Variants in PDE5A observed in about 807,000 individuals in gnomAD.
The protein encoded by PDE5A is phosphodiesterase 5A.
Under a neutral mutation model 110.2 loss-of-function variants are expected in PDE5A, and 67 were observed. That is an observed-to-expected ratio of 0.61 (90% CI 0.50 to 0.75). The LOEUF is 0.75. PDE5A is among the 30% of genes least tolerant of loss of function. The pLI, the probability that PDE5A is intolerant of heterozygous loss-of-function variation, is 0.00. For synonymous variants in PDE5A, 328 were observed against 351.2 expected, an observed-to-expected ratio of 0.93 and a Z score of 0.74; for missense variants, 862 against 1,045.1, an observed-to-expected ratio of 0.82 and a Z score of 2.42.
chr4:119,610,615 C>G (rs1239269420), intron 1 of PDE5A, among the ~76,000 whole-genome samples: 1 of 152,116 alleles, frequency 6.6e-6, no homozygotes, highest in Admixed American at 6.5e-5. Context: ...CTCACCTTGC[C>G]TCATCTTACT....
At chr4:119,575,367 T>C (rs1167192763) in intron 3 of PDE5A, among the ~76,000 whole-genome samples, 1 of 152,008 alleles carries the variant, frequency 6.6e-6, no homozygotes, top group Non-Finnish European at 1.5e-5. Flanking sequence ...GAAGAGCAAC[T>C]CCAAGACACA....
At chr4:119,561,129 G>A (rs984046999) in intron 6 of PDE5A, among the ~76,000 whole-genome samples, 1 of 151,698 alleles carries the variant, frequency 6.6e-6, no homozygotes, top group African/African-American at 2.4e-5. Context: ...ACTCTGTCTC[G>A]AAAATAAGAA....
intron 3 of PDE5A, among the ~76,000 whole-genome samples, chr4:119,583,713 A>G (rs764197041): frequency 6.6e-6 from 1 of 152,206 alleles, no homozygotes; most frequent in Non-Finnish European, 1.5e-5. Context: ...AGGGAGGCCA[A>G]AGGAGAAGGA....
intron 17 of PDE5A, among the ~76,000 whole-genome samples, chr4:119,505,345 T>C (rs576746351): frequency 6.6e-6 from 1 of 152,094 alleles, no homozygotes; most frequent in South Asian, 2.1e-4. Context: ...TTATACACTA[T>C]ATGTCTTATG....
At chr4:119,588,908 A>G (rs979961252) in intron 3 of PDE5A, among the ~76,000 whole-genome samples, 1 of 152,230 alleles carries the variant, frequency 6.6e-6, no homozygotes, top group African/African-American at 2.4e-5. Context: ...TTTAACTGCC[A>G]TATTTGCATC....
intron 3 of PDE5A, among the ~76,000 whole-genome samples, chr4:119,584,514 T>A (rs1050618160): frequency 1.3e-5 from 2 of 152,214 alleles, no homozygotes; most frequent in Non-Finnish European, 2.9e-5. Flanking sequence ...CTTTCCTGCC[T>A]CTAAACAAAG....
At chr4:119,589,763 G>A (rs1460968653) in intron 3 of PDE5A, among the ~76,000 whole-genome samples, 1 of 152,102 alleles carries the variant, frequency 6.6e-6, no homozygotes, top group Non-Finnish European at 1.5e-5. Flanking sequence ...CAGAGGATGT[G>A]ACTATGATCT....
intron 1 of PDE5A, among the ~76,000 whole-genome samples, chr4:119,617,064 A>T (rs1729968189): frequency 6.6e-6 from 1 of 152,172 alleles, no homozygotes; most frequent in African/African-American, 2.4e-5. Context: ...AAGTTTATAA[A>T]TTGATTAATA....
chr4:119,543,593 C>T (rs1157596666), intron 9 of PDE5A, among the ~76,000 whole-genome samples: 3 of 152,190 alleles, frequency 2.0e-5, no homozygotes, highest in Non-Finnish European at 4.4e-5. Context: ...ACATCATTTG[C>T]TCAAAGCCAC....
At chr4:119,507,783 A>T in intron 15 of PDE5A, 79 bp from the exon 16 acceptor site, 1 of 837,192 alleles carries the variant, frequency 1.2e-6, no homozygotes, top group Non-Finnish European at 1.9e-6. Context: ...ATATTCACAT[A>T]TCTTAAACAC....
intron 14 of PDE5A, among the ~76,000 whole-genome samples, chr4:119,511,794 C>T (rs111533296): frequency 1.3e-5 from 2 of 152,128 alleles, no homozygotes; most frequent in African/African-American, 4.8e-5. Flanking sequence ...GCAGTAGAGA[C>T]CCTTTGGCTG....
intron 3 of PDE5A, among the ~76,000 whole-genome samples, chr4:119,591,774 T>C (rs1560631028): frequency 6.6e-6 from 1 of 152,120 alleles, no homozygotes; most frequent in Admixed American, 6.5e-5. Flanking sequence ...AGAAATAATT[T>C]TGAACTTGGC....
chr4:119,565,377 C>A lies in PDE5A; in HGVS notation c.937G>T (p.Val313Phe). ...TCATAGAGCTGAGCATTATGAAGAA[C>A]AATACCACAAAATGCCAAATAAGCA... ...FAAYLAFCGI[V>F]LHNAQLYETS... Residue 313 changes from valine (V) to phenylalanine (F), a missense_variant, in exon 5 of 21, where the codon GTT becomes TTT. Coordinates refer to ENST00000354960, the MANE Select transcript of PDE5A (RefSeq NM_001083.4). 1 of 1,612,172 alleles carries A rather than the reference C, an allele frequency of 6.2e-7. No individual in the cohort carries two copies. Among genetic ancestry groups the A allele is most frequent in the South Asian group, 1.1e-5 (1 of 90,952 alleles).
Position 119,627,087 on chromosome 4 carries a change from C to A in PDE5A, c.152+1433G>T. On this transcript the variant is annotated intron_variant, in intron 1 of 20. Transcript: ENST00000354960. The surrounding 1 kb of genome is among the most constrained non-coding windows in gnomAD (Gnocchi z 4.6). ...CCACCGGGGCGCCACCACCCAGCAC[C>A]CGAGACCCGCCGCGCCCCCGGAAAA... The A allele has an allele frequency of 6.2e-7, 1 of 1,604,106 alleles. No individual in the cohort carries two copies. Among genetic ancestry groups the A allele is most frequent in the Non-Finnish European group, 8.5e-7 (1 of 1,174,470 alleles).
chr4:119,532,369 T>C (rs1440878613), intron 11 of PDE5A, among the ~76,000 whole-genome samples: 1 of 152,168 alleles, frequency 6.6e-6, no homozygotes, highest in Non-Finnish European at 1.5e-5. Context: ...CTTGCCCAAG[T>C]GATCCCTAAC....
At chr4:119,571,879 T>G (rs1728149539) in intron 3 of PDE5A, among the ~76,000 whole-genome samples, 1 of 152,234 alleles carries the variant, frequency 6.6e-6, no homozygotes, top group Non-Finnish European at 1.5e-5. Context: ...TAGCCAAATT[T>G]ATATTCTTGG....
intron 9 of PDE5A, chr4:119,543,822 C>CTCCA (rs1379661197): frequency 4.6e-5 from 7 of 152,260 alleles, no homozygotes; most frequent in Admixed American, 4.6e-4. Flanking sequence ...TCCCAATGAC[C>CTCCA]TCCAGGAGGC....
intron 1 of PDE5A, among the ~76,000 whole-genome samples, chr4:119,613,821 A>G (rs1729840817): frequency 6.6e-6 from 1 of 152,058 alleles, no homozygotes; most frequent in Non-Finnish European, 1.5e-5. Flanking sequence ...TACTTTCTAA[A>G]ATATGAAGCT....
At chr4:119,612,374 A>T (rs1365253974) in intron 1 of PDE5A, among the ~76,000 whole-genome samples, 1 of 152,194 alleles carries the variant, frequency 6.6e-6, no homozygotes, top group Non-Finnish European at 1.5e-5. Context: ...GTTTAAAAGT[A>T]CATGGTACCT....
Sources: gnomAD v4.1 joint callset for allele counts (sites outside exome capture counted in the v4.1 genomes callset) on GRCh38, gnomAD v4.1.1 for gene constraint, Gnocchi (gnomAD v3.1) non-coding constraint, MANE v1.5 for transcripts, NCBI Gene and HGNC (gene_info 2026-07-23, HGNC 2026-07-21) for gene names.